The following NREP variants were observed in gnomAD, a reference collection of about 807,000 sequenced individuals.
NREP encodes neuronal regeneration-related protein.
Under a neutral mutation model 8.6 loss-of-function variants are expected in NREP, and 5 were observed. The ratio of observed to expected loss-of-function variants is 0.58; its 90% CI spans 0.30 to 1.22. The LOEUF (loss-of-function observed/expected upper bound fraction) is 1.22, where lower values mean the gene tolerates loss of function less well. NREP is among the 50% of genes most tolerant of loss of function. The pLI, the probability that NREP is intolerant of heterozygous loss-of-function variation, is 0.07. For synonymous variants in NREP, 27 were observed against 28.0 expected, an observed-to-expected ratio of 0.96 and a Z score of 0.11; for missense variants, 86 against 82.5, an observed-to-expected ratio of 1.04 and a Z score of -0.17.
At chr5:111,880,526 G>A (rs1754028276) in intron 2 of NREP, among the ~76,000 whole-genome samples, 1 of 151,956 alleles carries the variant, frequency 6.6e-6, no homozygotes, top group Non-Finnish European at 1.5e-5. Context: ...CATTTTTCTG[G>A]TTTCATTCCT....
intron 2 of NREP, among the ~76,000 whole-genome samples, chr5:111,865,284 CACA>C (rs1443574093): frequency 6.6e-6 from 1 of 152,240 alleles, no homozygotes; most frequent in South Asian, 2.1e-4. Context: ...GTATAGCTCA[CACA>C]ACAAGACAAC....
At chr5:111,936,940 CTG>C (rs1482638140) in intron 2 of NREP, among the ~76,000 whole-genome samples, 1 of 152,050 alleles carries the variant, frequency 6.6e-6, no homozygotes, top group Non-Finnish European at 1.5e-5. Flanking sequence ...GTTTTTGACT[CTG>C]TGTCCTTGGA....
intron 1 of NREP, among the ~76,000 whole-genome samples, 160 bp downstream of exon 1, chr5:111,756,976 C>T (rs1342581129): frequency 6.6e-6 from 1 of 152,006 alleles, no homozygotes; most frequent in African/African-American, 2.4e-5. Flanking sequence ...AACCAAAATG[C>T]CAGAATTTCT....
At chr5:111,971,866 G>C (rs1166075131) in intron 2 of NREP, among the ~76,000 whole-genome samples, 2 of 151,454 alleles carry the variant, frequency 1.3e-5, no homozygotes, top group Non-Finnish European at 2.9e-5. Context: ...TGAAAGCGTG[G>C]GCAGCCAAAG....
rs748200880 is a variant in NREP at position 111,729,614 on chromosome 5, C to G, written c.*1307G>C. 2 of 152,520 alleles carry G rather than the reference C, an allele frequency of 1.3e-5. No individual in the cohort carries two copies. The highest frequency in any genetic ancestry group is 2.9e-5 in the Non-Finnish European group (2 of 68,022). 9.4% of individuals were successfully genotyped at this position (152,520 alleles called of 1,614,324 possible). ...GTCATCGGTGTTTAACAGTCAGAAG[C>G]GAAACAGTTCAGAACAAGGCCTGCC... On this transcript the variant is annotated 3_prime_UTR_variant, in exon 4 of 4. Coordinates refer to ENST00000257435, the MANE Select transcript of NREP (RefSeq NM_004772.4).
intron 2 of NREP, among the ~76,000 whole-genome samples, chr5:111,921,684 C>T (rs1325717480): frequency 1.3e-5 from 2 of 152,124 alleles, no homozygotes; most frequent in East Asian, 3.9e-4. Flanking sequence ...CAGCCCTGGT[C>T]CCTACACTTG....
intron 2 of NREP, among the ~76,000 whole-genome samples, chr5:111,748,385 T>A (rs1384488584): frequency 6.6e-6 from 1 of 152,156 alleles, no homozygotes; most frequent in African/African-American, 2.4e-5. Flanking sequence ...CAGTGCAGTG[T>A]CCGGCCATGA....
At chr5:111,944,125 A>G (rs1335061182) in intron 2 of NREP, among the ~76,000 whole-genome samples, 1 of 152,086 alleles carries the variant, frequency 6.6e-6, no homozygotes. Flanking sequence ...TCTTCTTAGT[A>G]TATTGGATGA....
At chr5:111,840,548 C>A (rs1753004661) in intron 2 of NREP, among the ~76,000 whole-genome samples, 1 of 152,068 alleles carries the variant, frequency 6.6e-6, no homozygotes, top group Non-Finnish European at 1.5e-5. Flanking sequence ...AGTGCATTCT[C>A]AATTGAGTCT....
At chr5:111,771,418 T>A (rs173896) in intron 2 of NREP, among the ~76,000 whole-genome samples, 10,010 of 143,016 alleles carry the variant, frequency 0.07, 469 homozygotes, top group East Asian at 0.23. Context: ...AGAGGCTTCA[T>A]AGTCTTTTAC....
chr5:111,904,123 CCT>C (rs1486546451), intron 2 of NREP, among the ~76,000 whole-genome samples: 2 of 151,824 alleles, frequency 1.3e-5, no homozygotes, highest in Non-Finnish European at 2.9e-5. Flanking sequence ...CCATATACTC[CCT>C]CTCTCCTCCA....
At chr5:111,931,593 G>A (rs1755538521) in intron 2 of NREP, among the ~76,000 whole-genome samples, 1 of 152,094 alleles carries the variant, frequency 6.6e-6, no homozygotes. Context: ...CAGAATTTCT[G>A]ACTTGTAGGA....
At chr5:111,947,215 C>T (rs538268855) in intron 2 of NREP, among the ~76,000 whole-genome samples, 10 of 152,098 alleles carry the variant, frequency 6.6e-5, no homozygotes, top group South Asian at 4.1e-4. Flanking sequence ...TACTTAAAAA[C>T]GCTTTCTTAA....
intron 2 of NREP, among the ~76,000 whole-genome samples, chr5:111,881,634 T>G (rs546572648): frequency 7.2e-4 from 109 of 152,246 alleles, no homozygotes; most frequent in Middle Eastern, 6.8e-3. Flanking sequence ...GCAACAGAAC[T>G]TCCAGAGGAA....
At chr5:111,900,460 A>C (rs1329265768) in intron 2 of NREP, among the ~76,000 whole-genome samples, 1 of 152,080 alleles carries the variant, frequency 6.6e-6, no homozygotes, top group Non-Finnish European at 1.5e-5. Flanking sequence ...ATAAATACAA[A>C]GGATCAAGAA....
At chr5:111,782,780 G>T (rs1002717021) in intron 2 of NREP, among the ~76,000 whole-genome samples, 2 of 151,458 alleles carry the variant, frequency 1.3e-5, no homozygotes, top group East Asian at 1.9e-4. Context: ...TGTCATCCAG[G>T]CTGGAAGGCA....
chr5:111,901,388 G>C (rs1581203686), intron 2 of NREP, among the ~76,000 whole-genome samples: 1 of 152,202 alleles, frequency 6.6e-6, no homozygotes, highest in East Asian at 1.9e-4. Flanking sequence ...ATGAGGAAAA[G>C]CTCAAAACCT....
Position 111,870,431 on chromosome 5 carries a change from A to G in NREP, c.135+104843T>C, listed in dbSNP as rs1015127871. On this transcript the variant is annotated intron_variant, in intron 2 of 3. Transcript: ENST00000395634. Reference sequence around the variant, plus strand: ...GTTAAAAGAGCAAGATTCTGACTCAAAAAGAAAAAAAGAAAATTAGCACAT... The same window carrying G: ...GTTAAAAGAGCAAGATTCTGACTCAGAAAGAAAAAAAGAAAATTAGCACAT... Among the ~76,000 whole-genome samples, 71 of 152,222 alleles carry G rather than the reference A, an allele frequency of 4.7e-4. 1 individual carries two copies. The highest frequency in any genetic ancestry group is 1.7e-3 in the African/African-American group (70 of 41,464).
intron 2 of NREP, among the ~76,000 whole-genome samples, chr5:111,813,056 T>C (rs1336840554): frequency 6.6e-6 from 1 of 152,200 alleles, no homozygotes; most frequent in South Asian, 2.1e-4. Context: ...GGTACCCTAC[T>C]CTTTAAGTGT....
Sources: allele counts gnomAD v4.1 joint callset (sites outside exome capture counted in the v4.1 genomes callset), GRCh38; gene constraint gnomAD v4.1.1; transcripts MANE v1.5; gene names NCBI Gene and HGNC (gene_info 2026-07-23, HGNC 2026-07-21).